The following SPECC1L variants were observed in gnomAD, a reference collection of about 807,000 sequenced individuals.
SPECC1L encodes cytospin-A.
A neutral mutation model predicts 116.8 loss-of-function variants in SPECC1L; 40 were observed. The observed-to-expected ratio is 0.34, with a 90% confidence interval of 0.27 to 0.45. SPECC1L has a LOEUF of 0.45. Among genes scored for constraint, SPECC1L ranks in the 20% least tolerant of loss-of-function variants. The pLI, the probability that SPECC1L is intolerant of heterozygous loss-of-function variation, is 1.00. For synonymous variants in SPECC1L, 504 were observed against 500.6 expected (o/e 1.01, Z -0.09); for missense variants, 1,110 against 1,373.6 (o/e 0.81, Z 3.03).
intron 10 of SPECC1L, among the ~76,000 whole-genome samples, chr22:24,339,726 C>T (rs1463363640): frequency 6.6e-6 from 1 of 152,076 alleles, no homozygotes; most frequent in Non-Finnish European, 1.5e-5. Context: ...GTGCTCCCTC[C>T]GCATTTATAT....
intron 2 of SPECC1L, among the ~76,000 whole-genome samples, chr22:24,294,706 A>G (rs1395306806): frequency 6.6e-6 from 1 of 151,882 alleles, no homozygotes; most frequent in Non-Finnish European, 1.5e-5. Flanking sequence ...ATATGCCCAT[A>G]TATTTGAGTC....
intron 14 of SPECC1L, among the ~76,000 whole-genome samples, chr22:24,395,434 C>T (rs1448598968): frequency 1.3e-5 from 2 of 152,068 alleles, no homozygotes; most frequent in African/African-American, 2.4e-5. Flanking sequence ...ATACAAGATG[C>T]CCCATAATAC....
intron 2 of SPECC1L, among the ~76,000 whole-genome samples, chr22:24,284,438 ATTTT>A (rs909221680): frequency 2.0e-5 from 3 of 151,858 alleles, no homozygotes; most frequent in African/African-American, 7.2e-5. Flanking sequence ...ATTTTATTTT[ATTTT>A]ATTTTATTTT....
chr22:24,403,944 C>T (rs746551782), intron 14 of SPECC1L, among the ~76,000 whole-genome samples: 2 of 152,160 alleles, frequency 1.3e-5, no homozygotes, highest in African/African-American at 4.8e-5. Context: ...GTGAGAGACT[C>T]CCTCCCTTTT....
intron 16 of SPECC1L, among the ~76,000 whole-genome samples, 157 bp from the exon 17 acceptor site, chr22:24,414,377 A>C (rs1569452453): frequency 6.6e-6 from 1 of 152,122 alleles, no homozygotes; most frequent in Non-Finnish European, 1.5e-5. Flanking sequence ...CCCAGGGAGG[A>C]AGCATTCTTG....
At chr22:24,291,927 G>A (rs572648178) in intron 2 of SPECC1L, among the ~76,000 whole-genome samples, 16 of 152,266 alleles carry the variant, frequency 1.1e-4, no homozygotes, top group African/African-American at 3.9e-4. Context: ...TAATTAAATA[G>A]GAAATTTAAA....
At chr22:24,403,734 T>C (rs920165355) in intron 14 of SPECC1L, among the ~76,000 whole-genome samples, 3 of 152,258 alleles carry the variant, frequency 2.0e-5, no homozygotes, top group Non-Finnish European at 4.4e-5. Context: ...ATGCTATTTC[T>C]AGGCAAGGTC....
chr22:24,317,616 C>T (rs1164201394), intron 4 of SPECC1L, among the ~76,000 whole-genome samples: 1 of 149,204 alleles, frequency 6.7e-6, no homozygotes, highest in Non-Finnish European at 1.5e-5. Context: ...GGGGGCTGAT[C>T]CCCCCACCTC....
intron 2 of SPECC1L, among the ~76,000 whole-genome samples, chr22:24,277,426 A>C (rs1305117222): frequency 6.6e-6 from 1 of 152,216 alleles, no homozygotes; most frequent in Non-Finnish European, 1.5e-5. Flanking sequence ...TGTACCTTTC[A>C]TGTGGTTTTT....
chr22:24,305,483 C>G (rs905511653), intron 3 of SPECC1L, among the ~76,000 whole-genome samples: 1 of 152,152 alleles, frequency 6.6e-6, no homozygotes, highest in Non-Finnish European at 1.5e-5. Context: ...TTGCATCTAG[C>G]AGCGGTCACT....
intron 2 of SPECC1L, among the ~76,000 whole-genome samples, chr22:24,277,117 A>G (rs545941280): frequency 1.3e-5 from 2 of 152,172 alleles, no homozygotes; most frequent in African/African-American, 4.8e-5. Flanking sequence ...GGGTTTTTCA[A>G]CCCTAGTTCC....
chr22:24,369,452 A>G, intron 14 of SPECC1L, 132 bp downstream of exon 14: 1 of 736,902 alleles, frequency 1.4e-6, no homozygotes, highest in East Asian at 2.7e-5. Context: ...CTATAATCCT[A>G]ACACATTGGG....
chr22:24,337,428 A>G (rs1466502972), intron 9 of SPECC1L, among the ~76,000 whole-genome samples: 1 of 152,192 alleles, frequency 6.6e-6, no homozygotes, highest in East Asian at 1.9e-4. Context: ...CGCTGGCGGG[A>G]CAGTGGATGG....
In SPECC1L at chr22:24,415,671, C is replaced by A. The variant is rs569713669; in HGVS notation, c.*1048C>A. 3 of 152,572 alleles carry A rather than the reference C, an allele frequency of 2.0e-5. No individual in the cohort carries two copies. Among genetic ancestry groups the A allele is most frequent in the African/African-American group, 4.8e-5 (2 of 41,550 alleles). The allele number at this position is 152,572 out of a possible 1,614,324, so 9.5% of individuals were successfully genotyped here. ...CAGAGTTAAAGAAAGTGCCTTAACT[C>A]TTCTTGTGAGGGCAGCCACTGCCCT... On this transcript the variant is annotated 3_prime_UTR_variant, in exon 17 of 17. Transcript: ENST00000314328.
At position 24,321,882 on chromosome 22, in the gene SPECC1L, G is replaced by T. The variant is rs204710; in HGVS notation, c.902G>T (p.Gly301Val). ...TCCCTGAGCCCAGAAATCACCCCTGGTAACCAGAGCGATGGAGGAGGAACT... is the reference window on the plus strand; with the variant it reads ...TCCCTGAGCCCAGAAATCACCCCTGTTAACCAGAGCGATGGAGGAGGAACT... ...YQSLSPEITP[G>V]NQSDGGGTLT... is the part of the protein sequence containing the mutation. Residue 301 changes from glycine to valine, a missense_variant, in exon 5 of 17, where the codon GGT (glycine) becomes GTT (valine). By Grantham distance (109) the Gly-to-Val change is moderately radical. Around this residue, in one of 4 missense-constraint regions of SPECC1L, gnomAD observed 437 missense variants for 482.6 expected, o/e 0.91. Coordinates refer to ENST00000314328, the MANE Select transcript of SPECC1L (RefSeq NM_015330.6). 6.2e-6 allele frequency: 10 copies of T among 1,614,230 alleles called. No homozygotes were observed. Among genetic ancestry groups the T allele is most frequent in the Admixed American group, 3.3e-5 (2 of 60,014 alleles).
At chr22:24,351,906 G>A (rs2041432140) in intron 11 of SPECC1L, among the ~76,000 whole-genome samples, 1 of 151,752 alleles carries the variant, frequency 6.6e-6, no homozygotes, top group African/African-American at 2.4e-5. Context: ...GGAGAATGGC[G>A]TGAACCCGGG....
At chr22:24,389,751 C>A (rs1173186785) in intron 14 of SPECC1L, among the ~76,000 whole-genome samples, 3 of 152,016 alleles carry the variant, frequency 2.0e-5, no homozygotes, top group Admixed American at 2.0e-4. Context: ...TCACAGCTTC[C>A]TTTGTAATAA....
At chr22:24,371,550 A>G (rs1318131103) in intron 14 of SPECC1L, among the ~76,000 whole-genome samples, 1 of 152,224 alleles carries the variant, frequency 6.6e-6, no homozygotes. Flanking sequence ...CTGAAGGAAA[A>G]TTGGAAAATA....
chr22:24,280,474 A>G (rs1301100721), intron 2 of SPECC1L, among the ~76,000 whole-genome samples: 8 of 151,878 alleles, frequency 5.3e-5, no homozygotes, highest in Non-Finnish European at 1.0e-4. Context: ...TTAGTCATTG[A>G]AGACCTTAAG....
Sources: gnomAD v4.1 joint callset for allele counts (sites outside exome capture counted in the v4.1 genomes callset) on GRCh38, gnomAD v4.1.1 for gene constraint, gnomAD v4.1.1 regional missense constraint, MANE v1.5 for transcripts, NCBI Gene and HGNC (gene_info 2026-07-23, HGNC 2026-07-21) for gene names.